ZNF318: variants seen among roughly 807,000 people sequenced by gnomAD.
The protein encoded by ZNF318 is zinc finger protein 318, also known as endocrine regulator.
A neutral mutation model predicts 124.2 loss-of-function variants in ZNF318; 51 were observed. The observed-to-expected ratio is 0.41, with a 90% confidence interval of 0.33 to 0.52. The LOEUF (loss-of-function observed/expected upper bound fraction) is 0.52. Ranked by LOEUF, ZNF318 falls within the 20% of genes least tolerant of loss-of-function variation. The probability of loss-of-function intolerance (pLI) is 0.23; values close to 1 mark genes in which losing one functional copy is unlikely to be tolerated. For synonymous variants in ZNF318, 1,090 were observed against 1,040.7 expected, an observed-to-expected ratio of 1.05 and a Z score of -0.91; for missense variants, 2,815 against 2,811.2, an observed-to-expected ratio of 1.00 and a Z score of -0.03.
chr6:43,348,403 G>C lies in ZNF318; in HGVS notation c.2993C>G (p.Pro998Arg). The C allele has an allele frequency of 6.2e-7, 1 of 1,614,128 alleles. No individual in the cohort carries two copies. The highest frequency in any genetic ancestry group is 8.5e-7 in the Non-Finnish European group (1 of 1,180,012). Residue 998 changes from proline (P) to arginine (R), a missense_variant, in exon 6 of 10, where the codon CCT becomes CGT. Physicochemically the swap from Pro to Arg is moderately radical, Grantham distance 103. Transcript: ENST00000361428. ...TTCTGCTTTCCCAGGCTTCTCTGTAGGCTCTCTACTGTCACTTAAAGACTT... is the reference window on the plus strand; with the variant it reads ...TTCTGCTTTCCCAGGCTTCTCTGTACGCTCTCTACTGTCACTTAAAGACTT... ...SQKSLSDSRE[P>R]TEKPGKAEKS... is the part of the protein sequence containing the mutation.
rs746542786 is a variant in ZNF318 at position 43,354,702 on chromosome 6, T to C, written c.2632A>G (p.Ile878Val). The change falls in exon 4 of 10, where the codon ATC becomes GTC. Residue 878 changes from isoleucine to valine, a missense_variant. Coordinates refer to ENST00000361428, the MANE Select transcript of ZNF318 (RefSeq NM_014345.3). ...GAAGCACGGTTCTTCTCATCAGAGA[T>C]CTTCTCTGGATTATATCTTATGAGT... ...PSLIRYNPEKISDEKNRASQK... is the reference protein window; with the variant it reads ...PSLIRYNPEKVSDEKNRASQK... 11 of 1,612,730 alleles carry C rather than the reference T, an allele frequency of 6.8e-6. No individual in the cohort carries two copies. The highest frequency in any genetic ancestry group is 8.5e-6 in the Non-Finnish European group (10 of 1,179,512).
In ZNF318 at chr6:43,355,268, G is replaced by A; in HGVS notation, c.2066C>T (p.Pro689Leu). The part of the protein sequence containing the change: ...REAHHSNTHS[P>L]EVSHPHPPSP... ...AGGTGGGTGTGGATGGGACACCTCT[G>A]GAGAGTGGGTATTGCTATGATGTGC... is the stretch of plus-strand genomic sequence containing the variant. The change falls in exon 4 of 10, where the codon CCA becomes CTA. Residue 689 changes from proline (P) to leucine (L), a missense_variant. Physicochemically the swap from Pro to Leu is moderately conservative, Grantham distance 98. Transcript: ENST00000361428. 1 of 1,614,200 alleles carries A rather than the reference G, an allele frequency of 6.2e-7. No individual in the cohort carries two copies. Among genetic ancestry groups the A allele is most frequent in the Admixed American group, 1.7e-5 (1 of 60,036 alleles).
chr6:43,345,660 GAA>G (rs1339377946), intron 6 of ZNF318, among the ~76,000 whole-genome samples: 3 of 152,094 alleles, frequency 2.0e-5, no homozygotes, highest in African/African-American at 7.2e-5. Context: ...GGTTGAGAAA[GAA>G]AACTCTCCTA....
intron 6 of ZNF318, among the ~76,000 whole-genome samples, chr6:43,346,182 A>AAT: frequency 1.0e-4 from 1 of 9,540 alleles, no homozygotes; most frequent in East Asian, 2.8e-3. Flanking sequence ...ACTCTGTTTC[A>AAT]AAAAAAAAAA....
chr6:43,338,539 T>C lies in ZNF318; in HGVS notation c.5459A>G (p.Glu1820Gly), dbSNP rs748017870. 1 of 1,614,220 alleles carries C rather than the reference T, an allele frequency of 6.2e-7. No homozygotes were observed. Among genetic ancestry groups the C allele is most frequent in the Non-Finnish European group, 8.5e-7 (1 of 1,180,042 alleles). The change falls in exon 10 of 10, where the codon GAG becomes GGG. Residue 1820 changes from glutamate (E) to glycine (G), a missense_variant. Physicochemically the swap from Glu to Gly is moderately conservative, Grantham distance 98 (BLOSUM62 -2). This residue lies in a region of ZNF318 where 927 missense variants were observed against 820.6 expected (regional missense o/e 1.13). Transcript: ENST00000361428. ...CAAGTTGGGCTGTTTTACTTCTCCCTCCCACATGTATCTGTTTCCATGGTT... is the reference window on the plus strand; with the variant it reads ...CAAGTTGGGCTGTTTTACTTCTCCCCCCCACATGTATCTGTTTCCATGGTT... Reference protein sequence around the residue: ...NLNHGNRYMWEGEVKQPNLLM... With the variant: ...NLNHGNRYMWGGEVKQPNLLM...
At chr6:43,348,112 G>A (rs557816096) in intron 6 of ZNF318, among the ~76,000 whole-genome samples, 1 of 152,146 alleles carries the variant, frequency 6.6e-6, no homozygotes, top group East Asian at 1.9e-4. Context: ...GAACATAGAA[G>A]GTTCTGAATA....
In ZNF318 at chr6:43,338,089, T is replaced by C; in HGVS notation, c.5909A>G (p.Glu1970Gly). 1 of 1,614,122 alleles carries C rather than the reference T, an allele frequency of 6.2e-7. No homozygotes were observed. Among genetic ancestry groups the C allele is most frequent in the Non-Finnish European group, 8.5e-7 (1 of 1,180,030 alleles). ...DENKKRPETW[E>G]SPEKPKTEAL... Reference sequence around the variant, plus strand: ...TTCTGTTTTTGGTTTCTCTGGGCTCTCCCAGGTCTCTGGCCTCTTCTTGTT... The same window carrying C: ...TTCTGTTTTTGGTTTCTCTGGGCTCCCCCAGGTCTCTGGCCTCTTCTTGTT... Residue 1970 changes from glutamate (E) to glycine (G), a missense_variant, in exon 10 of 10, where the codon GAG (glutamate) becomes GGG (glycine). Glu to Gly is a moderately conservative substitution (Grantham distance 98, BLOSUM62 -2). This residue lies in a region of ZNF318 where 927 missense variants were observed against 820.6 expected (regional missense o/e 1.13). Transcript: ENST00000361428.
rs573410374 is a variant in ZNF318, at chr6:43,348,248, T to C, written c.3072+76A>G. On this transcript the variant is annotated intron_variant, in intron 6 of 9. Coordinates refer to ENST00000361428, the MANE Select transcript of ZNF318 (RefSeq NM_014345.3). ...AGTAAGAACAGTTTGAAAACCTAAG[T>C]TAAGAAAATGGTTAGAAAACCATAG... 1.7e-5 allele frequency: 24 copies of C among 1,412,066 alleles called. No individual in the cohort carries two copies. In the South Asian group the frequency reaches 2.9e-4, roughly 17 times the overall value. The allele number at this position is 1,412,066 out of a possible 1,614,324, so 87.5% of individuals were successfully genotyped here.
chr6:43,369,390 G>T lies in ZNF318; in HGVS notation c.-25C>A, dbSNP rs978669674. On this transcript the variant is annotated 5_prime_UTR_variant, in exon 1 of 10. Transcript: ENST00000361428. ...TGGTTCTTGCAGCGGCGGCCACGGC[G>T]ACAGCTCTGACCCGGGGGCGCCCTA... is the stretch of plus-strand genomic sequence containing the variant. The T allele has an allele frequency of 8.2e-7, 1 of 1,222,880 alleles. No homozygotes were observed. Among genetic ancestry groups the T allele is most frequent in the Non-Finnish European group, 1.0e-6 (1 of 978,006 alleles). The allele number at this position is 1,222,880 out of a possible 1,614,324, so 75.8% of individuals were successfully genotyped here.
chr6:43,340,138 TTCTCC>T lies in ZNF318; in HGVS notation c.3855_3859del (p.Glu1286LysfsTer10). 6.2e-7 allele frequency: 1 copy of T among 1,614,184 alleles called. No homozygotes were observed. The highest frequency in any genetic ancestry group is 8.5e-7 in the Non-Finnish European group (1 of 1,180,042). The stretch of plus-strand genomic sequence containing the variant: ...GATACTTGGGGTCACCAATGAACTT[TTCTCC>T]TCTTCTTTTTCTGGCTTCTTCCAGC... On this transcript the variant is annotated frameshift_variant, in exon 10 of 10. Coordinates refer to ENST00000361428, the MANE Select transcript of ZNF318 (RefSeq NM_014345.3). LOFTEE classifies it high-confidence loss of function.
Position 43,352,521 on chromosome 6 carries a change from C to T in ZNF318, c.2671-45G>A. The T allele has an allele frequency of 1.9e-6, 3 of 1,542,862 alleles. No individual in the cohort carries two copies. In the South Asian group the frequency reaches 3.4e-5, roughly 17 times the overall value. On this transcript the variant is annotated intron_variant, in intron 4 of 9. Transcript: ENST00000361428. ...AAGAGAGTCCATCTCCTCCAACATT[C>T]TCTTTTCTATTTCTCTCTTCCAGAA...
intron 2 of ZNF318, chr6:43,363,990 G>C (rs1175008247): frequency 2.0e-5 from 14 of 702,778 alleles, no homozygotes; most frequent in Admixed American, 4.1e-5. Context: ...GCTCTGTGCT[G>C]GTGCACCTCA....
chr6:43,364,849 A>G (rs926113330), intron 2 of ZNF318, among the ~76,000 whole-genome samples: 2 of 152,224 alleles, frequency 1.3e-5, no homozygotes, highest in African/African-American at 4.8e-5. Flanking sequence ...TTAGACATGA[A>G]CTTACCTAAC....
At position 43,369,050 on chromosome 6, in the gene ZNF318, A is replaced by G; in HGVS notation, c.316T>C (p.Phe106Leu). The G allele has an allele frequency of 7.3e-7, 1 of 1,371,754 alleles. No homozygotes were observed. Among genetic ancestry groups the G allele is most frequent in the Non-Finnish European group, 9.4e-7 (1 of 1,058,716 alleles). 85.0% of individuals were successfully genotyped at this position (1,371,754 alleles called of 1,614,324 possible). ...GACTCCCCCCGGCTGCTGCCTCTGA[A>G]GCCGGCCGGGCCCGGCGGGAAGAGT... ...RRLFPPGPAG[F>L]RGSSRGESRA... Residue 106 changes from phenylalanine (F) to leucine (L), a missense_variant, in exon 1 of 10, where the codon TTC (phenylalanine) becomes CTC (leucine). Physicochemically the swap from Phe to Leu is conservative, Grantham distance 22. Around this residue, in one of 4 missense-constraint regions of ZNF318, gnomAD observed 1,377 missense variants for 1,353.5 expected, o/e 1.02. Coordinates refer to ENST00000361428, the MANE Select transcript of ZNF318 (RefSeq NM_014345.3).
At position 43,337,553 on chromosome 6, in the gene ZNF318, CTT is replaced by C. The variant is rs750115096; in HGVS notation, c.6443_6444del (p.Gln2148ArgfsTer11). The C allele has an allele frequency of 1.2e-5, 19 of 1,614,104 alleles. No homozygotes were observed. Among genetic ancestry groups the C allele is most frequent in the Admixed American group, 3.3e-5 (2 of 60,006 alleles). On this transcript the variant is annotated frameshift_variant, in exon 10 of 10. Coordinates refer to ENST00000361428, the MANE Select transcript of ZNF318 (RefSeq NM_014345.3). LOFTEE classifies it low-confidence loss of function (END_TRUNC). ...EVKESSQLDK[Q>X]ESLGLELKTI... The stretch of plus-strand genomic sequence containing the variant: ...GTTTTTAATTCCAATCCGAGTGACT[CTT>C]GTTTGTCTAATTGGGAAGATTCTTT...
chr6:43,354,331 T>C (rs892861488), intron 4 of ZNF318, among the ~76,000 whole-genome samples: 1 of 152,168 alleles, frequency 6.6e-6, no homozygotes, highest in Non-Finnish European at 1.5e-5. Flanking sequence ...ACACCCAATT[T>C]TGGTTCCCTA....
chr6:43,361,504 A>G lies in ZNF318; in HGVS notation c.549-3739T>C, dbSNP rs148529491. ...CACTTGAGCCCAGGAGTTTGAGGTT[A>G]CAGTGAACTATGATCACGCCACTGC... On this transcript the variant is annotated intron_variant, in intron 2 of 9. Coordinates refer to ENST00000361428, the MANE Select transcript of ZNF318 (RefSeq NM_014345.3). Among the ~76,000 whole-genome samples, 7 of 152,348 alleles carry G rather than the reference A, an allele frequency of 4.6e-5. No individual in the cohort carries two copies. In the East Asian group the frequency reaches 1.2e-3, roughly 25 times the overall value.
In ZNF318 at chr6:43,348,579, A is replaced by G; in HGVS notation, c.2817T>C (p.Asp939=). The G allele has an allele frequency of 6.2e-7, 1 of 1,614,148 alleles. No individual in the cohort carries two copies. Among genetic ancestry groups the G allele is most frequent in the East Asian group, 2.2e-5 (1 of 44,880 alleles). The part of the protein sequence containing the change: ...KKRREKDGHK[D]PLLVEVSRLQ... ...GCCGACTCACCTCCACCAAGAGAGG[A>G]TCTTTGTGGCCATCCTTCTCCCTTC... is the stretch of plus-strand genomic sequence containing the variant. The change falls in exon 6 of 10, where the codon GAT becomes GAC. Residue 939 remains aspartate, a synonymous_variant. Coordinates refer to ENST00000361428, the MANE Select transcript of ZNF318 (RefSeq NM_014345.3).
In ZNF318 at chr6:43,338,432, T is replaced by C; in HGVS notation, c.5566A>G (p.Ser1856Gly). The C allele has an allele frequency of 3.1e-6, 5 of 1,614,236 alleles. No homozygotes were observed. The highest frequency in any genetic ancestry group is 1.6e-4 in the Middle Eastern group (1 of 6,062). ...TTTGTGAAAGAGCAAGCCTGTGGAC[T>C]CAATTTGATCACTACTTTACTTGGA... ...ETPSKVVIKL[S>G]PQACSFTKAK... Residue 1856 changes from serine (S) to glycine (G), a missense_variant, in exon 10 of 10, where the codon AGT (serine) becomes GGT (glycine). Transcript: ENST00000361428.
Sources: allele counts gnomAD v4.1 joint callset (sites outside exome capture counted in the v4.1 genomes callset), GRCh38; gene constraint gnomAD v4.1.1; regional missense constraint gnomAD v4.1.1; transcripts MANE v1.5; gene names NCBI Gene and HGNC (gene_info 2026-07-23, HGNC 2026-07-21).